Variants in PTPRG observed in about 807,000 individuals in gnomAD.
PTPRG encodes the protein protein tyrosine phosphatase receptor type G.
PTPRG carries 102 observed loss-of-function variants against 165.3 expected under a neutral mutation model. The observed-to-expected ratio is 0.62, with a 90% CI of 0.53 to 0.73. The LOEUF is 0.73. Among genes scored for constraint, PTPRG ranks in the 30% least tolerant of loss-of-function variants. The pLI is 0.00. For missense variants in PTPRG, 1,866 were observed against 1,861.4 expected, an observed-to-expected ratio of 1.00 and a Z score of -0.05; for synonymous variants, 675 against 669.5, an observed-to-expected ratio of 1.01 and a Z score of -0.13.
At chr3:61,746,303 C>G (rs1319446651) in intron 1 of PTPRG, among the ~76,000 whole-genome samples, 1 of 151,104 alleles carries the variant, frequency 6.6e-6, no homozygotes, top group East Asian at 2.0e-4. Flanking sequence ...ACTGCAAGCC[C>G]CGCCTCCCAG....
intron 1 of PTPRG, among the ~76,000 whole-genome samples, chr3:61,738,307 T>TATAC (rs2032827506): frequency 3.4e-5 from 3 of 88,954 alleles, no homozygotes; most frequent in Non-Finnish European, 7.2e-5. Flanking sequence ...TATATATATA[T>TATAC]ATATACATAT....
chr3:61,976,510 C>T (rs188326336), intron 2 of PTPRG, among the ~76,000 whole-genome samples: 4 of 152,288 alleles, frequency 2.6e-5, no homozygotes, highest in Admixed American at 6.5e-5. Context: ...TTTACTTGTA[C>T]TAATGGGTAT....
intron 2 of PTPRG, among the ~76,000 whole-genome samples, chr3:61,901,262 C>T (rs1345612899): frequency 3.3e-5 from 5 of 152,166 alleles, no homozygotes; most frequent in Non-Finnish European, 7.3e-5. Flanking sequence ...ACAGATAACA[C>T]AGTATGATGC....
At chr3:61,997,919 G>A (rs1360909421) in intron 3 of PTPRG, among the ~76,000 whole-genome samples, 1 of 152,112 alleles carries the variant, frequency 6.6e-6, no homozygotes, top group Non-Finnish European at 1.5e-5. Context: ...GGTGGTCTGG[G>A]GATCCCATCA....
intron 4 of PTPRG, among the ~76,000 whole-genome samples, chr3:62,045,426 A>G (rs1478778386): frequency 2.6e-5 from 4 of 152,220 alleles, no homozygotes; most frequent in Non-Finnish European, 4.4e-5. Context: ...GAAACAGAGA[A>G]GGAAACAAAT....
intron 2 of PTPRG, among the ~76,000 whole-genome samples, chr3:61,978,313 T>G (rs9985456): frequency 0.46 from 70,260 of 152,014 alleles, 17,051 homozygotes; most frequent in African/African-American, 0.63. Context: ...TTGTATTTGA[T>G]TTTATCAGTC....
At chr3:62,039,712 T>A (rs1023518626) in intron 4 of PTPRG, among the ~76,000 whole-genome samples, 2 of 152,170 alleles carry the variant, frequency 1.3e-5, no homozygotes, top group African/African-American at 4.8e-5. Context: ...TTGGGGTGAT[T>A]AGCGATGTAG....
chr3:61,860,522 C>T (rs751046454), intron 2 of PTPRG, among the ~76,000 whole-genome samples: 3 of 141,808 alleles, frequency 2.1e-5, no homozygotes, highest in Non-Finnish European at 3.0e-5. Context: ...CTCACTGCAA[C>T]CTCTGCCTCC....
chr3:62,178,110 G>A (rs1471182046), intron 8 of PTPRG, among the ~76,000 whole-genome samples: 3 of 151,786 alleles, frequency 2.0e-5, no homozygotes, highest in Non-Finnish European at 4.4e-5. Flanking sequence ...AGGATGGATG[G>A]ATGTGTGGAT....
chr3:62,255,146 C>T lies in PTPRG; in HGVS notation c.2490C>T (p.Val830=). 6.2e-7 allele frequency: 1 copy of T among 1,612,782 alleles called. No homozygotes were observed. The highest frequency in any genetic ancestry group is 1.3e-5 in the African/African-American group (1 of 74,956). Residue 830 remains valine, a synonymous_variant, in exon 16 of 30, where the codon GTC becomes GTT. Transcript: ENST00000474889. This position sits in a 1 kb window ranked among gnomAD's most constrained non-coding sequence, Gnocchi z 4.0. ...PIPDDMEAIP[V]KQFVKHIGEL... is the part of the protein sequence containing the mutation. ...CAGATGACATGGAAGCCATTCCTGT[C>T]AAACAGTTTGTCAAACACATCGGTG...
At chr3:61,883,533 A>G (rs2037946686) in intron 2 of PTPRG, among the ~76,000 whole-genome samples, 1 of 152,230 alleles carries the variant, frequency 6.6e-6, no homozygotes, top group South Asian at 2.1e-4. Context: ...AGGAATTAAA[A>G]TAGCTTACAG....
chr3:61,903,928 C>T (rs1415677314), intron 2 of PTPRG, among the ~76,000 whole-genome samples: 2 of 152,118 alleles, frequency 1.3e-5, no homozygotes, highest in African/African-American at 4.8e-5. Flanking sequence ...TTACATATGT[C>T]TGTTCTGTCT....
At chr3:62,238,985 C>T (rs1701094808) in intron 14 of PTPRG, among the ~76,000 whole-genome samples, 1 of 152,134 alleles carries the variant, frequency 6.6e-6, no homozygotes, top group South Asian at 2.1e-4. Flanking sequence ...TTAAAGGGCA[C>T]AGACAGCACC....
intron 28 of PTPRG, among the ~76,000 whole-genome samples, chr3:62,291,571 G>T (rs1008979372): frequency 3.5e-4 from 53 of 152,060 alleles, no homozygotes; most frequent in African/African-American, 1.2e-3. Flanking sequence ...TTGTATTAAA[G>T]ATATAAAACA....
rs147611132 is a variant in PTPRG, at chr3:62,277,636, A to G, written c.3722A>G (p.His1241Arg). ...TKDFWRMIWD[H>R]NAQIIVMLPD... ...GATTTCTGGCGAATGATTTGGGATC[A>G]TAACGCACAGATCATTGTCATGCTG... Residue 1241 changes from histidine (H) to arginine (R), a missense_variant, in exon 26 of 30, where the codon CAT becomes CGT. Physicochemically the swap from His to Arg is conservative, Grantham distance 29. This residue lies in a region of PTPRG where 1,452 missense variants were observed against 1,463.0 expected (regional missense o/e 0.99). Transcript: ENST00000474889. The G allele has an allele frequency of 3.8e-4, 619 of 1,612,786 alleles. 1 individual carries two copies. The highest frequency in any genetic ancestry group is 4.6e-4 in the Non-Finnish European group (541 of 1,179,354).
intron 2 of PTPRG, among the ~76,000 whole-genome samples, chr3:61,843,412 CAAATAAA>C: frequency 6.6e-6 from 1 of 151,676 alleles, no homozygotes; most frequent in South Asian, 2.1e-4. Context: ...GACCCATGTA[CAAATAAA>C]AAATAAGAGA....
Position 61,562,145 on chromosome 3 carries a change from GACTC to G in PTPRG, c.-142_-139del. The G allele has an allele frequency of 1.5e-6, 1 of 681,050 alleles. No homozygotes were observed. Among genetic ancestry groups the G allele is most frequent in the Non-Finnish European group, 2.6e-6 (1 of 390,422 alleles). 42.2% of individuals were successfully genotyped at this position (681,050 alleles called of 1,614,324 possible). A position where few individuals can be genotyped will look rare whatever the true frequency, so the allele number is the denominator to read the frequency against. On this transcript the variant is annotated 5_prime_UTR_variant, in exon 1 of 30. Transcript: ENST00000474889. Reference sequence around the variant, plus strand: ...TCGGCGGCTTCCCGGATTCCAAGGGGACTCGGGCCGCCGAGCGCGGGGGGCCCGT... The same window carrying G: ...TCGGCGGCTTCCCGGATTCCAAGGGGGGGCCGCCGAGCGCGGGGGGCCCGT...
At chr3:61,903,674 C>G (rs1466395587) in intron 2 of PTPRG, among the ~76,000 whole-genome samples, 1 of 152,148 alleles carries the variant, frequency 6.6e-6, no homozygotes, top group Non-Finnish European at 1.5e-5. Flanking sequence ...GTGCCCGGGC[C>G]TGGCTGTTAT....
In PTPRG at chr3:62,069,674, T is replaced by TCACA. The variant is rs1263078272; in HGVS notation, c.520-8488_520-8487insACAC. ...CTCTCTCTCTCTCTCTCTCTCTCTC[T>TCACA]CTCTCTCTCTCACACACAGACACAC... On this transcript the variant is annotated intron_variant, in intron 4 of 29. Transcript: ENST00000474889. Among the ~76,000 whole-genome samples the TCACA allele has an allele frequency of 3.8e-4, 11 of 28,950 alleles. 1 individual carries two copies. Among genetic ancestry groups the TCACA allele is most frequent in the African/African-American group, 7.3e-4 (11 of 15,066 alleles). The allele number at this position is 28,950 out of a possible 152,430, so 19.0% of individuals were successfully genotyped here. A position where few individuals can be genotyped will look rare whatever the true frequency, so the allele number is the denominator to read the frequency against.
Sources: allele counts gnomAD v4.1 joint callset (sites outside exome capture counted in the v4.1 genomes callset), GRCh38; gene constraint gnomAD v4.1.1; regional missense constraint gnomAD v4.1.1; non-coding constraint Gnocchi (gnomAD v3.1); transcripts MANE v1.5; gene names NCBI Gene and HGNC (gene_info 2026-07-23, HGNC 2026-07-21).